The following IQGAP2 variants were observed in gnomAD, a reference collection of about 807,000 sequenced individuals.
IQGAP2 encodes ras GTPase-activating-like protein IQGAP2.
IQGAP2 carries 173 observed loss-of-function variants against 201.3 expected under a neutral mutation model. The observed-to-expected ratio is 0.86, with a 90% CI of 0.76 to 0.98. The LOEUF (loss-of-function observed/expected upper bound fraction) is 0.98. Among genes scored for constraint, IQGAP2 ranks in the 50% least tolerant of loss-of-function variants. The pLI is 0.00. For missense variants in IQGAP2, 1,687 were observed against 1,864.8 expected (o/e 0.90, Z 1.76); for synonymous variants, 675 against 673.9 (o/e 1.00, Z -0.03).
At chr5:76,662,132 C>T (rs1456119966) in intron 21 of IQGAP2, among the ~76,000 whole-genome samples, 1 of 152,232 alleles carries the variant, frequency 6.6e-6, no homozygotes, top group Non-Finnish European at 1.5e-5. Context: ...TCCATTCACA[C>T]AAGCACATTC....
chr5:76,555,796 C>T (rs952904343), intron 2 of IQGAP2, among the ~76,000 whole-genome samples: 2 of 152,150 alleles, frequency 1.3e-5, no homozygotes, highest in African/African-American at 4.8e-5. Context: ...CTACCTTCTC[C>T]AGCCAGCAGA....
chr5:76,645,834 A>C (rs888253019), intron 17 of IQGAP2, among the ~76,000 whole-genome samples: 1 of 152,128 alleles, frequency 6.6e-6, no homozygotes, highest in Non-Finnish European at 1.5e-5. Context: ...ATATTAAAAA[A>C]AAAAAAACAG....
At chr5:76,405,420 C>T (rs1750741222) in intron 1 of IQGAP2, among the ~76,000 whole-genome samples, 1 of 152,168 alleles carries the variant, frequency 6.6e-6, no homozygotes, top group South Asian at 2.1e-4. Context: ...GGTTACTTTC[C>T]CTCCACTCAT....
At chr5:76,647,073 A>G (rs1216102023) in intron 17 of IQGAP2, among the ~76,000 whole-genome samples, 2 of 152,162 alleles carry the variant, frequency 1.3e-5, no homozygotes, top group Non-Finnish European at 2.9e-5. Flanking sequence ...ACATAGCCTT[A>G]ATAATATAGT....
chr5:76,597,908 A>G (rs1349385924), intron 10 of IQGAP2, among the ~76,000 whole-genome samples: 4 of 152,308 alleles, frequency 2.6e-5, no homozygotes, highest in Admixed American at 6.5e-5. Flanking sequence ...TTTTAGCTAT[A>G]CCGATGTGGT....
chr5:76,614,675 C>T (rs1416592500), intron 13 of IQGAP2, among the ~76,000 whole-genome samples: 4 of 123,332 alleles, frequency 3.2e-5, no homozygotes, highest in Admixed American at 1.0e-4. Flanking sequence ...GTCTCAAACT[C>T]CTGGGCTCAA....
chr5:76,436,438 G>C (rs1233728852), intron 1 of IQGAP2, among the ~76,000 whole-genome samples: 1 of 111,484 alleles, frequency 9.0e-6, no homozygotes, highest in Non-Finnish European at 1.8e-5. Flanking sequence ...AGAATGCTAG[G>C]TTTTATCAGA....
chr5:76,654,944 T>C lies in IQGAP2; in HGVS notation c.2261T>C (p.Ile754Thr). The C allele has an allele frequency of 1.9e-6, 3 of 1,610,470 alleles. No homozygotes were observed. The highest frequency in any genetic ancestry group is 2.5e-6 in the Non-Finnish European group (3 of 1,176,932). Reference protein sequence around the residue: ...LQYFRDHNNEIVKIQSLLRAN... With the variant: ...LQYFRDHNNETVKIQSLLRAN... Reference sequence around the variant, plus strand: ...CTTAATCTTTTGCAGAATAATGAAATTGTGAAAATACAGTCACTGTTGAGA... The same window carrying C: ...CTTAATCTTTTGCAGAATAATGAAACTGTGAAAATACAGTCACTGTTGAGA... The change falls in exon 20 of 36, where the codon ATT becomes ACT. Residue 754 changes from isoleucine to threonine, a missense_variant. By Grantham distance (89) the Ile-to-Thr change is moderately conservative. Coordinates refer to ENST00000274364, the MANE Select transcript of IQGAP2 (RefSeq NM_006633.5).
Position 76,461,434 on chromosome 5 carries a change from C to G in IQGAP2, c.47-136C>G, listed in dbSNP as rs1389017163. ...GTAAAATCCAAAGGCAAATTTCTCT[C>G]TCTGCCTGGTGTTTCAATACTCCTG... On this transcript the variant is annotated intron_variant, in intron 1 of 35. Coordinates refer to ENST00000274364, the MANE Select transcript of IQGAP2 (RefSeq NM_006633.5). 1.3e-5 allele frequency: 7 copies of G among 519,048 alleles called. No homozygotes were observed. In the Admixed American group the frequency reaches 1.4e-4, roughly 10 times the overall value. 32.2% of individuals were successfully genotyped at this position (519,048 alleles called of 1,614,324 possible). A position where few individuals can be genotyped will look rare whatever the true frequency, so the allele number is the denominator to read the frequency against.
chr5:76,412,396 G>T (rs1025095283), intron 1 of IQGAP2, among the ~76,000 whole-genome samples: 3 of 152,006 alleles, frequency 2.0e-5, no homozygotes, highest in Non-Finnish European at 2.9e-5. Flanking sequence ...GAACTCTTGG[G>T]CCCAAGAGAT....
At chr5:76,517,736 C>T (rs1009318177) in intron 2 of IQGAP2, among the ~76,000 whole-genome samples, 2 of 151,864 alleles carry the variant, frequency 1.3e-5, no homozygotes, top group Non-Finnish European at 2.9e-5. Flanking sequence ...AAGTTAGATC[C>T]ATCGCATACG....
intron 13 of IQGAP2, chr5:76,617,312 A>G (rs1749075335): frequency 3.1e-6 from 1 of 318,226 alleles, no homozygotes; most frequent in East Asian, 5.8e-5. Flanking sequence ...GTAGCTGGGC[A>G]TGGTGGTGTA....
At chr5:76,500,538 G>A (rs1757215155) in intron 2 of IQGAP2, among the ~76,000 whole-genome samples, 3 of 152,164 alleles carry the variant, frequency 2.0e-5, no homozygotes, top group African/African-American at 2.4e-5. Context: ...CTACGAAAGT[G>A]CATGGAACAT....
chr5:76,595,885 GA>G (rs1747001856), intron 9 of IQGAP2, among the ~76,000 whole-genome samples: 1 of 152,086 alleles, frequency 6.6e-6, no homozygotes, highest in Admixed American at 6.5e-5. Context: ...GGTAAAGCAA[GA>G]TCCTACCTAG....
intron 5 of IQGAP2, among the ~76,000 whole-genome samples, chr5:76,587,532 C>G (rs1467381724): frequency 6.6e-6 from 1 of 152,110 alleles, no homozygotes; most frequent in Non-Finnish European, 1.5e-5. Flanking sequence ...TTTAAAAGAA[C>G]ATATATACCA....
chr5:76,645,371 G>T (rs1751954540), intron 17 of IQGAP2, among the ~76,000 whole-genome samples: 1 of 152,146 alleles, frequency 6.6e-6, no homozygotes, highest in South Asian at 2.1e-4. Context: ...CCCAGTAATG[G>T]GATTGCTGAG....
chr5:76,571,375 G>C (rs1400312961), intron 4 of IQGAP2, among the ~76,000 whole-genome samples: 3 of 151,944 alleles, frequency 2.0e-5, no homozygotes, highest in African/African-American at 7.3e-5. Context: ...GTAGAGACAG[G>C]GTTTTGCCTC....
At chr5:76,413,251 CT>C (rs1313473720) in intron 1 of IQGAP2, among the ~76,000 whole-genome samples, 2 of 146,690 alleles carry the variant, frequency 1.4e-5, no homozygotes, top group Admixed American at 7.0e-5. Context: ...TCACTGCAAC[CT>C]CCACCTCCCA....
chr5:76,623,392 C>T, intron 13 of IQGAP2: 1 of 712,600 alleles, frequency 1.4e-6, no homozygotes, highest in Non-Finnish European at 2.3e-6. Context: ...CCCTGGTCCT[C>T]CGCAGGGAAA....
Sources: gnomAD v4.1 joint callset for allele counts (sites outside exome capture counted in the v4.1 genomes callset) on GRCh38, gnomAD v4.1.1 for gene constraint, MANE v1.5 for transcripts, NCBI Gene and HGNC (gene_info 2026-07-23, HGNC 2026-07-21) for gene names.